Variants in PPP2R3C observed in about 807,000 individuals in gnomAD.
PPP2R3C encodes protein phosphatase 2 regulatory subunit B''gamma.
PPP2R3C carries 47 observed loss-of-function variants against 63.7 expected under a neutral mutation model. That is an observed-to-expected ratio of 0.74 (90% CI 0.58 to 0.94). The LOEUF (loss-of-function observed/expected upper bound fraction) is 0.94, where lower values mean the gene tolerates loss of function less well. Among genes scored for constraint, PPP2R3C ranks in the 40% least tolerant of loss-of-function variants. The pLI, the probability that PPP2R3C is intolerant of heterozygous loss-of-function variation, is 0.00. For synonymous variants in PPP2R3C, 180 were observed against 177.4 expected (o/e 1.01, Z -0.12); for missense variants, 421 against 518.4 (o/e 0.81, Z 1.82).
rs1228385040 is a variant in PPP2R3C at position 35,110,513 on chromosome 14, C to T, written c.291+12G>A. 1.3e-6 allele frequency: 2 copies of T among 1,558,528 alleles called. No homozygotes were observed. The highest frequency in any genetic ancestry group is 3.7e-5 in the Admixed American group (2 of 54,522). On this transcript the variant is annotated intron_variant, in intron 3 of 12. Coordinates refer to ENST00000261475, the MANE Select transcript of PPP2R3C (RefSeq NM_017917.4). ...GGTTAACATCTAAAGCAACTTTTTG[C>T]TTTGTTCTTACCTGTAATTCTTCAT... is the stretch of plus-strand genomic sequence containing the variant.
At chr14:35,087,826 C>A in intron 12 of PPP2R3C, 125 bp downstream of exon 12, 2 of 728,748 alleles carry the variant, frequency 2.7e-6, no homozygotes, top group Admixed American at 2.4e-5. Flanking sequence ...AATATCAGTT[C>A]AGAACAAAAA....
In PPP2R3C at chr14:35,107,331, G is replaced by A. The variant is rs1225159661; in HGVS notation, c.546C>T (p.Val182=). Residue 182 remains valine, a synonymous_variant, in exon 6 of 13, where the codon GTC becomes GTT. Coordinates refer to ENST00000261475, the MANE Select transcript of PPP2R3C (RefSeq NM_017917.4). ...ATTCCCGAAGGTACCCCTGCCCAGC[G>A]ACATCATATAAACTGAGTCCTATTC... ...QTRIGLSLYD[V]AGQGYLRESD... 6.8e-6 allele frequency: 11 copies of A among 1,609,082 alleles called. No homozygotes were observed. In the East Asian group the frequency reaches 8.9e-5, roughly 13 times the overall value.
rs60784852 is a variant in PPP2R3C at position 35,092,322 on chromosome 14, G to A, written c.976-1115C>T. ...TGGGCTCAAGCAATCATCTGGCCTCGGCCTCCCAAAGTGCTGGGACTAGAG... is the reference window on the plus strand; with the variant it reads ...TGGGCTCAAGCAATCATCTGGCCTCAGCCTCCCAAAGTGCTGGGACTAGAG... On this transcript the variant is annotated intron_variant, in intron 10 of 12. Transcript: ENST00000261475. Among the ~76,000 whole-genome samples, 1,268 of 152,096 alleles carry A rather than the reference G, an allele frequency of 8.3e-3. 18 individuals carry two copies. Among genetic ancestry groups the A allele is most frequent in the African/African-American group, 0.029 (1,209 of 41,454 alleles).
intron 9 of PPP2R3C, 126 bp from the exon 10 acceptor site, chr14:35,095,310 T>A (rs924218259): frequency 1.1e-6 from 1 of 925,990 alleles, no homozygotes; most frequent in Non-Finnish European, 1.6e-6. Flanking sequence ...ATGATTAGGG[T>A]AGTGGCCTAT....
chr14:35,090,192 G>T (rs2045754701), intron 11 of PPP2R3C, among the ~76,000 whole-genome samples: 1 of 151,594 alleles, frequency 6.6e-6, no homozygotes, highest in Non-Finnish European at 1.5e-5. Context: ...GTTCAGAAAA[G>T]GTAGCTCCTT....
chr14:35,094,964 G>C (rs2045947540), intron 10 of PPP2R3C, 84 bp downstream of exon 10: 5 of 1,388,382 alleles, frequency 3.6e-6, no homozygotes, highest in Non-Finnish European at 5.0e-6. Flanking sequence ...AAAAAAAAAA[G>C]GGCTGTATTA....
chr14:35,099,720 T>C (rs1036419618), intron 6 of PPP2R3C: 2 of 195,912 alleles, frequency 1.0e-5, no homozygotes, highest in African/African-American at 2.4e-5. Context: ...TATGAACCAA[T>C]ACATATATAT....
intron 11 of PPP2R3C, among the ~76,000 whole-genome samples, chr14:35,089,821 A>G (rs571771222): frequency 3.4e-5 from 5 of 146,498 alleles, no homozygotes; most frequent in Admixed American, 1.4e-4. Flanking sequence ...GCCCGCCACC[A>G]CGCCCGGCTG....
chr14:35,088,155 T>G (rs2045670796), intron 11 of PPP2R3C, 145 bp from the exon 12 acceptor site: 2 of 695,940 alleles, frequency 2.9e-6, no homozygotes, highest in Non-Finnish European at 5.2e-6. Context: ...TTCTTAGCTT[T>G]CTTGACCTTA....
chr14:35,108,581 T>C (rs1303391383), intron 4 of PPP2R3C, among the ~76,000 whole-genome samples: 2 of 151,996 alleles, frequency 1.3e-5, no homozygotes, highest in African/African-American at 4.8e-5. Flanking sequence ...TATATTGTAT[T>C]ATATTGTATT....
At position 35,088,403 on chromosome 14, in the gene PPP2R3C, C is replaced by T. The variant is rs184954108; in HGVS notation, c.1114-393G>A. On this transcript the variant is annotated intron_variant, in intron 11 of 12. Coordinates refer to ENST00000261475, the MANE Select transcript of PPP2R3C (RefSeq NM_017917.4). ...CCTGCCTTCACTATTCTCTTAAGATCCCCAATCTACTGTCTCCCTTCCTAC... is the reference window on the plus strand; with the variant it reads ...CCTGCCTTCACTATTCTCTTAAGATTCCCAATCTACTGTCTCCCTTCCTAC... Among the ~76,000 whole-genome samples, 313 of 152,260 alleles carry T rather than the reference C, an allele frequency of 2.1e-3. 1 individual carries two copies. Among genetic ancestry groups the T allele is most frequent in the Middle Eastern group, 0.017 (5 of 292 alleles).
At chr14:35,089,722 G>C (rs367795501) in intron 11 of PPP2R3C, among the ~76,000 whole-genome samples, 1 of 151,916 alleles carries the variant, frequency 6.6e-6, no homozygotes, top group African/African-American at 2.4e-5. Flanking sequence ...CTGCAGTGCA[G>C]TGGCGCAATC....
In PPP2R3C at chr14:35,095,074, C is replaced by A. The variant is rs758607136; in HGVS notation, c.949G>T (p.Glu317Ter). 3.7e-6 allele frequency: 6 copies of A among 1,608,280 alleles called. No homozygotes were observed. In the African/African-American group the frequency reaches 8.0e-5, roughly 22 times the overall value. The change falls in exon 10 of 13, where the codon GAG becomes TAG. Residue 317 changes from glutamate (E) to a stop codon, truncating the protein, a stop_gained. Transcript: ENST00000261475. LOFTEE classifies it high-confidence loss of function. The stretch of plus-strand genomic sequence containing the variant: ...ATTTCTCCATCATAAGTGAGACACT[C>A]CTGGAAAACACGGTCTAAGAAGACA... ...TNVFLDRVFQ[E>*]CLTYDGEMDY... is the part of the protein sequence containing the mutation.
rs1373161274 is a variant in PPP2R3C, at chr14:35,085,670, T to G, written c.1282A>C (p.Asn428His). 6.2e-7 allele frequency: 1 copy of G among 1,613,678 alleles called. No homozygotes were observed. The highest frequency in any genetic ancestry group is 8.5e-7 in the Non-Finnish European group (1 of 1,179,772). ...DTVTTILIDL[N>H]GFWTYENREA... ...CTGTTCTCGTAAGTCCAGAAGCCAT[T>G]CAAATCGATTAGAATGGTGGTTACT... Residue 428 changes from asparagine to histidine, a missense_variant, in exon 13 of 13, where the codon AAT (asparagine) becomes CAT (histidine). This residue lies in a region of PPP2R3C where 231 missense variants were observed against 264.8 expected (regional missense o/e 0.87). Transcript: ENST00000261475.
At chr14:35,087,523 C>G (rs532439805) in intron 12 of PPP2R3C, 1 of 165,778 alleles carries the variant, frequency 6.0e-6, no homozygotes, top group Non-Finnish European at 1.3e-5. Context: ...CCTCAGCCTC[C>G]CGAGTAGCCG....
In PPP2R3C at chr14:35,121,921, C is replaced by T. The variant is rs188334260; in HGVS notation, c.39G>A (p.Thr13=). ...WKEVLRRRLA[T]PNTCPNKKKS... is the part of the protein sequence containing the mutation. ...ACTCACTGTTTGGACAGGTGTTGGG[C>T]GTCGCTAGGCGCCGACGAAGAACTT... The change falls in exon 1 of 13, where the codon ACG becomes ACA. Residue 13 remains threonine, a synonymous_variant. Coordinates refer to ENST00000261475, the MANE Select transcript of PPP2R3C (RefSeq NM_017917.4). 76 of 1,614,128 alleles carry T rather than the reference C, an allele frequency of 4.7e-5. No individual in the cohort carries two copies. The East Asian group carries it at 1.2e-3, about 26-fold the overall frequency.
chr14:35,121,724 G>GA, intron 1 of PPP2R3C, 178 bp downstream of exon 1: 1 of 637,000 alleles, frequency 1.6e-6, no homozygotes, highest in Non-Finnish European at 2.7e-6. Context: ...TCTGCCCCAG[G>GA]AAAGTTTGGG....
At chr14:35,088,136 T>C (rs2045670450) in intron 11 of PPP2R3C, 126 bp from the exon 12 acceptor site, 1 of 734,646 alleles carries the variant, frequency 1.4e-6, no homozygotes, top group Non-Finnish European at 2.4e-6. Flanking sequence ...ATTCTCTCTC[T>C]TGCCAATCTT....
At chr14:35,121,876 A>T in intron 1 of PPP2R3C, 26 bp downstream of exon 1, 1 of 1,613,362 alleles carries the variant, frequency 6.2e-7, no homozygotes. Flanking sequence ...GGGCCATCCC[A>T]ACGGGCTGCC....
Sources: allele counts gnomAD v4.1 joint callset (sites outside exome capture counted in the v4.1 genomes callset), GRCh38; gene constraint gnomAD v4.1.1; regional missense constraint gnomAD v4.1.1; transcripts MANE v1.5; gene names NCBI Gene and HGNC (gene_info 2026-07-23, HGNC 2026-07-21).